Variants in NYNRIN observed in about 807,000 individuals in gnomAD.
NYNRIN encodes the protein NYN domain and retroviral integrase containing.
In NYNRIN, 86 loss-of-function variants were observed where a neutral mutation model predicts 146.6. The observed-to-expected ratio is 0.59, with a 90% confidence interval of 0.49 to 0.70. NYNRIN has a LOEUF of 0.70. Among genes scored for constraint, NYNRIN ranks in the 30% least tolerant of loss-of-function variants. NYNRIN has a pLI of 0.00. For missense variants in NYNRIN, 2,191 were observed against 2,377.7 expected, an observed-to-expected ratio of 0.92 and a Z score of 1.63; for synonymous variants, 1,027 against 1,001.3, an observed-to-expected ratio of 1.03 and a Z score of -0.48.
chr14:24,413,437 C>A lies in NYNRIN; in HGVS notation c.2846+20C>A. ...AAACAGGTAATAGGTCAGACCTCCCCAGCCTCCCAGGCCCTCCTGGGGCTG... is the reference window on the plus strand; with the variant it reads ...AAACAGGTAATAGGTCAGACCTCCCAAGCCTCCCAGGCCCTCCTGGGGCTG... On this transcript the variant is annotated intron_variant, in intron 8 of 8. Coordinates refer to ENST00000382554, the MANE Select transcript of NYNRIN (RefSeq NM_025081.3). The A allele has an allele frequency of 6.4e-7, 1 of 1,550,968 alleles. No homozygotes were observed. Among genetic ancestry groups the A allele is most frequent in the East Asian group, 2.3e-5 (1 of 44,006 alleles).
chr14:24,411,127 GT>G lies in NYNRIN; in HGVS notation c.2471del (p.Phe824SerfsTer18). On this transcript the variant is annotated frameshift_variant, in exon 5 of 9. Transcript: ENST00000382554. LOFTEE classifies it high-confidence loss of function. This position sits in a 1 kb window ranked among gnomAD's most constrained non-coding sequence, Gnocchi z 4.3. ...GCCGAGGAATTGCCATGGCAGTGCA[GT>G]TTTTCTGGAACCGGGGACACCGAGA... ...SCRGIAMAVQ[F>X]FWNRGHREVT... 6.2e-7 allele frequency: 1 copy of G among 1,612,878 alleles called. No homozygotes were observed. Among genetic ancestry groups the G allele is most frequent in the Non-Finnish European group, 8.5e-7 (1 of 1,179,480 alleles).
Position 24,416,554 on chromosome 14 carries a change from T to C in NYNRIN, c.4805T>C (p.Ile1602Thr). The change falls in exon 9 of 9, where the codon ATT (isoleucine) becomes ACT (threonine). Residue 1602 changes from isoleucine to threonine, a missense_variant. This residue lies in a region of NYNRIN where 1,291 missense variants were observed against 1,417.0 expected (regional missense o/e 0.91). Transcript: ENST00000382554. Reference sequence around the variant, plus strand: ...CTCATAGGCAGCGAGTTGAAGGTTATTGAGTCCCCATGGCCCCTCAGGTCG... The same window carrying C: ...CTCATAGGCAGCGAGTTGAAGGTTACTGAGTCCCCATGGCCCCTCAGGTCG... ...RNLIGSELKV[I>T]ESPWPLRSTA... 6.2e-7 allele frequency: 1 copy of C among 1,613,918 alleles called. No individual in the cohort carries two copies. Among genetic ancestry groups the C allele is most frequent in the Non-Finnish European group, 8.5e-7 (1 of 1,179,866 alleles).
In NYNRIN at chr14:24,408,145, G is replaced by A. The variant is rs370323848; in HGVS notation, c.475G>A (p.Val159Met). 1 of 1,606,350 alleles carries A rather than the reference G, an allele frequency of 6.2e-7. No homozygotes were observed. Among genetic ancestry groups the A allele is most frequent in the Non-Finnish European group, 8.5e-7 (1 of 1,178,128 alleles). The stretch of plus-strand genomic sequence containing the variant: ...CCCCCGGGGGATCTGGGAGGCTGAG[G>A]TGACCCGGGCCTTTGGGGCCCTGGT... ...LTPRGIWEAE[V>M]TRAFGALVWI... Residue 159 changes from valine (V) to methionine (M), a missense_variant, in exon 3 of 9, where the codon GTG becomes ATG. Val to Met is a conservative substitution (Grantham distance 21, BLOSUM62 1). Around this residue, in one of 3 missense-constraint regions of NYNRIN, gnomAD observed 895 missense variants for 941.2 expected, o/e 0.95. Coordinates refer to ENST00000382554, the MANE Select transcript of NYNRIN (RefSeq NM_025081.3).
At chr14:24,413,271 G>T in intron 7 of NYNRIN, 45 bp from the exon 8 acceptor site, 1 of 1,564,194 alleles carries the variant, frequency 6.4e-7, no homozygotes, top group Non-Finnish European at 8.7e-7. Flanking sequence ...GTGTGGGTGG[G>T]TCAAGGGCTC....
At chr14:24,412,854 G>A (rs555637869) in intron 6 of NYNRIN, 143 bp from the exon 7 acceptor site, 6 of 582,520 alleles carry the variant, frequency 1.0e-5, no homozygotes, top group Admixed American at 8.8e-5. Flanking sequence ...GGATGGGCTC[G>A]GGGGTCCTGG....
intron 2 of NYNRIN, among the ~76,000 whole-genome samples, chr14:24,402,143 C>T (rs1194147985): frequency 6.6e-6 from 1 of 152,128 alleles, no homozygotes. Flanking sequence ...TGGTTGGTTT[C>T]TCAGGAAAAT....
Position 24,409,778 on chromosome 14 carries a change from G to C in NYNRIN, c.1984G>C (p.Ala662Pro). The C allele has an allele frequency of 6.2e-7, 1 of 1,612,522 alleles. No individual in the cohort carries two copies. The highest frequency in any genetic ancestry group is 8.5e-7 in the Non-Finnish European group (1 of 1,179,266). Residue 662 changes from alanine (A) to proline (P), a missense_variant, in exon 4 of 9, where the codon GCA becomes CCA. Around this residue, in one of 3 missense-constraint regions of NYNRIN, gnomAD observed 895 missense variants for 941.2 expected, o/e 0.95. Coordinates refer to ENST00000382554, the MANE Select transcript of NYNRIN (RefSeq NM_025081.3). ...TVSKAPAASKAPAAPKVPVTP... is the reference protein window; with the variant it reads ...TVSKAPAASKPPAAPKVPVTP... ...TTCCAAAGCACCTGCAGCTTCCAAA[G>C]CACCTGCAGCTCCCAAAGTACCTGT...
intron 2 of NYNRIN, among the ~76,000 whole-genome samples, chr14:24,405,029 AGAGAATGTGTGTGTGT>A (rs2042868557): frequency 2.7e-4 from 9 of 33,252 alleles, no homozygotes; most frequent in East Asian, 1.3e-3. Flanking sequence ...TGTGTGTGTG[AGAGAATGTGTGTGTGT>A]GAATGTGTGT....
rs564209312 is a variant in NYNRIN at position 24,411,816 on chromosome 14, C to G, written c.2642+366C>G. Reference sequence around the variant, plus strand: ...TCCAGACTGCTTTAGTCTTTTCCTCCCTCGGAGCCCCGGCACTGGTGGAGG... The same window carrying G: ...TCCAGACTGCTTTAGTCTTTTCCTCGCTCGGAGCCCCGGCACTGGTGGAGG... On this transcript the variant is annotated intron_variant, in intron 6 of 8. Coordinates refer to ENST00000382554, the MANE Select transcript of NYNRIN (RefSeq NM_025081.3). The surrounding 1 kb of genome is among the most constrained non-coding windows in gnomAD (Gnocchi z 4.3). 2.2e-4 allele frequency among the ~76,000 whole-genome samples: 34 copies of G among 152,304 alleles called. No homozygotes were observed. Among genetic ancestry groups the G allele is most frequent in the Admixed American group, 1.4e-3 (22 of 15,304 alleles).
In NYNRIN at chr14:24,415,636, A is replaced by G. The variant is rs1211641539; in HGVS notation, c.3887A>G (p.Gln1296Arg). Residue 1296 changes from glutamine to arginine, a missense_variant, in exon 9 of 9, where the codon CAG becomes CGG. Coordinates refer to ENST00000382554, the MANE Select transcript of NYNRIN (RefSeq NM_025081.3). ...GCGGCCTCCATGCCTCGCTTCTTCC[A>G]GGTTCTGCCGCCTTTCTCTGACCTG... ...TPAASMPRFF[Q>R]VLPPFSDLST... is the part of the protein sequence containing the mutation. 1 of 1,613,990 alleles carries G rather than the reference A, an allele frequency of 6.2e-7. No homozygotes were observed. The highest frequency in any genetic ancestry group is 8.5e-7 in the Non-Finnish European group (1 of 1,179,904).
chr14:24,409,858 G>A lies in NYNRIN; in HGVS notation c.2064G>A (p.Thr688=), dbSNP rs772086419. Residue 688 remains threonine, a synonymous_variant, in exon 4 of 9, where the codon ACG becomes ACA. Transcript: ENST00000382554. ...PKTPAAQKVP[T]DAGPTLDVAR... Reference sequence around the variant, plus strand: ...CACCTGCAGCTCAGAAGGTGCCCACGGATGCAGGGCCAACCTTGGATGTAG... The same window carrying A: ...CACCTGCAGCTCAGAAGGTGCCCACAGATGCAGGGCCAACCTTGGATGTAG... The A allele has an allele frequency of 2.8e-5, 45 of 1,613,266 alleles. No individual in the cohort carries two copies. The South Asian group carries it at 4.0e-4, about 14-fold the overall frequency.
intron 2 of NYNRIN, among the ~76,000 whole-genome samples, chr14:24,404,994 C>CTG (rs747195772): frequency 0.12 from 9,711 of 82,852 alleles, 380 homozygotes; most frequent in South Asian, 0.24. Context: ...CTTGCCAAGC[C>CTG]TGTGTGTGTG....
Position 24,411,127 on chromosome 14 carries a change from G to T in NYNRIN, c.2466G>T (p.Gln822His), listed in dbSNP as rs748584472. 1.2e-6 allele frequency: 2 copies of T among 1,612,878 alleles called. No individual in the cohort carries two copies. The highest frequency in any genetic ancestry group is 8.5e-7 in the Non-Finnish European group (1 of 1,179,480). The change falls in exon 5 of 9, where the codon CAG becomes CAT. Residue 822 changes from glutamine to histidine, a missense_variant. Around this residue, in one of 3 missense-constraint regions of NYNRIN, gnomAD observed 1,291 missense variants for 1,417.0 expected, o/e 0.91. Transcript: ENST00000382554. This position sits in a 1 kb window ranked among gnomAD's most constrained non-coding sequence, Gnocchi z 4.3. ...FSCRGIAMAV[Q>H]FFWNRGHREV... Reference sequence around the variant, plus strand: ...GCCGAGGAATTGCCATGGCAGTGCAGTTTTTCTGGAACCGGGGACACCGAG... The same window carrying T: ...GCCGAGGAATTGCCATGGCAGTGCATTTTTTCTGGAACCGGGGACACCGAG...
Position 24,415,508 on chromosome 14 carries a change from T to A in NYNRIN, c.3759T>A (p.Ala1253=). The change falls in exon 9 of 9, where the codon GCT becomes GCA. Residue 1253 remains alanine (A), a synonymous_variant. Transcript: ENST00000382554. ...EVREGRRVSK[A]WLIRWSLLVQ... The stretch of plus-strand genomic sequence containing the variant: ...GGGAGGGCCGCAGGGTTTCCAAAGC[T>A]TGGTTGATCCGATGGTCCCTCTTGG... 1 of 1,613,802 alleles carries A rather than the reference T, an allele frequency of 6.2e-7. No homozygotes were observed. The highest frequency in any genetic ancestry group is 8.5e-7 in the Non-Finnish European group (1 of 1,179,802).
rs1301297195 is a variant in NYNRIN, at chr14:24,417,445, G to A, written c.5696G>A (p.Ter1899=). The A allele has an allele frequency of 1.4e-6, 2 of 1,475,046 alleles. No individual in the cohort carries two copies. The highest frequency in any genetic ancestry group is 1.8e-6 in the Non-Finnish European group (2 of 1,112,224). 91.4% of individuals were successfully genotyped at this position (1,475,046 alleles called of 1,614,324 possible). The change falls in exon 9 of 9, where the codon TGA becomes TAA. Residue 1899 remains the stop codon, a stop_retained_variant. Coordinates refer to ENST00000382554, the MANE Select transcript of NYNRIN (RefSeq NM_025081.3). ...TPLSFKVLEQ[*] is the part of the protein sequence containing the mutation. ...CTGTCCTTCAAGGTCTTGGAGCAGT[G>A]AGCGGGAGCAGCGGGGGTGCCCCCT...
intron 2 of NYNRIN, among the ~76,000 whole-genome samples, chr14:24,404,410 G>T (rs1046161873): frequency 2.6e-5 from 4 of 152,152 alleles, no homozygotes; most frequent in African/African-American, 7.2e-5. Flanking sequence ...TTCTTGTTTA[G>T]TGTCTACCAT....
At position 24,411,355 on chromosome 14, in the gene NYNRIN, G is replaced by A. The variant is rs192585061; in HGVS notation, c.2547G>A (p.Glu849=). 1 of 1,613,940 alleles carries A rather than the reference G, an allele frequency of 6.2e-7. No individual in the cohort carries two copies. The highest frequency in any genetic ancestry group is 8.5e-7 in the Non-Finnish European group (1 of 1,179,876). The change falls in exon 6 of 9, where the codon GAG becomes GAA. Residue 849 remains glutamate (E), a splice_region_variant and synonymous_variant. Coordinates refer to ENST00000382554, the MANE Select transcript of NYNRIN (RefSeq NM_025081.3). This position sits in a 1 kb window ranked among gnomAD's most constrained non-coding sequence, Gnocchi z 4.3. Reference sequence around the variant, plus strand: ...CTGTCTTCTGCCTTTCACCCCCAGAGAGCCACTTTCTGACGAAGCTACACT... The same window carrying A: ...CTGTCTTCTGCCTTTCACCCCCAGAAAGCCACTTTCTGACGAAGCTACACT... ...WQLKKNRRVR[E]SHFLTKLHSL...
intron 1 of NYNRIN, 36 bp downstream of exon 1, chr14:24,399,122 G>C: frequency 3.4e-6 from 3 of 894,684 alleles, no homozygotes; most frequent in Non-Finnish European, 4.9e-6. Flanking sequence ...AGGCCGTGCG[G>C]GGGGCGCGCC....
chr14:24,411,769 C>T lies in NYNRIN; in HGVS notation c.2642+319C>T, dbSNP rs542594045. On this transcript the variant is annotated intron_variant, in intron 6 of 8. Transcript: ENST00000382554. The surrounding 1 kb of genome is among the most constrained non-coding windows in gnomAD (Gnocchi z 4.3). ...GAGGTTCCCCAGGGTTTTGGGTGCC[C>T]GTTTCGGTTGAGGCTCATGTCTCCA... Among the ~76,000 whole-genome samples the T allele has an allele frequency of 7.9e-5, 12 of 152,258 alleles. No individual in the cohort carries two copies. The highest frequency in any genetic ancestry group is 2.1e-4 in the South Asian group (1 of 4,820).
Sources: gnomAD v4.1 joint callset for allele counts (sites outside exome capture counted in the v4.1 genomes callset) on GRCh38, gnomAD v4.1.1 for gene constraint, gnomAD v4.1.1 regional missense constraint, Gnocchi (gnomAD v3.1) non-coding constraint, MANE v1.5 for transcripts, NCBI Gene and HGNC (gene_info 2026-07-23, HGNC 2026-07-21) for gene names.